Variants in EYA3 observed in about 807,000 individuals in gnomAD.
EYA3 encodes the protein EYA transcriptional coactivator and phosphatase 3.
EYA3 carries 39 observed loss-of-function variants against 80.0 expected under a neutral mutation model. The observed-to-expected ratio is 0.49, with a 90% confidence interval of 0.38 to 0.64. EYA3 has a LOEUF of 0.64. Among genes scored for constraint, EYA3 ranks in the 30% least tolerant of loss-of-function variants. EYA3 has a pLI of 0.00. For missense variants in EYA3, 523 were observed against 676.1 expected (o/e 0.77, Z 2.51); for synonymous variants, 206 against 232.8 (o/e 0.88, Z 1.05).
At chr1:28,024,960 C>G (rs1425013443) in intron 7 of EYA3, among the ~76,000 whole-genome samples, 1 of 152,136 alleles carries the variant, frequency 6.6e-6, no homozygotes, top group Non-Finnish European at 1.5e-5. Context: ...GATAATTTCC[C>G]TAACTCCCCC....
chr1:28,070,599 C>G (rs1393751276), intron 1 of EYA3, among the ~76,000 whole-genome samples: 1 of 150,480 alleles, frequency 6.6e-6, no homozygotes, highest in African/African-American at 2.4e-5. Flanking sequence ...GATAAGAGAA[C>G]ACAACTGTAC....
chr1:27,984,767 T>C (rs1313570538), intron 16 of EYA3, among the ~76,000 whole-genome samples: 1 of 152,166 alleles, frequency 6.6e-6, no homozygotes, highest in Non-Finnish European at 1.5e-5. Context: ...CTTATGAATC[T>C]TATAAATCCT....
chr1:28,048,281 A>G lies in EYA3; in HGVS notation c.77+102T>C, dbSNP rs1644102337. The G allele has an allele frequency of 9.0e-6, 6 of 670,360 alleles. 1 individual carries two copies. In the South Asian group the frequency reaches 1.8e-4, roughly 21 times the overall value. The allele number at this position is 670,360 out of a possible 1,614,324, so 41.5% of individuals were successfully genotyped here. A position where few individuals can be genotyped will look rare whatever the true frequency, so the allele number is the denominator to read the frequency against. On this transcript the variant is annotated intron_variant, in intron 3 of 17. Transcript: ENST00000373871. ...TCAAAATGTAACAGCTGATGGTAAGAACCAAAAAGAGGGCAAAGCATGCCC... is the reference window on the plus strand; with the variant it reads ...TCAAAATGTAACAGCTGATGGTAAGGACCAAAAAGAGGGCAAAGCATGCCC...
At chr1:28,024,811 A>G (rs906360648) in intron 7 of EYA3, among the ~76,000 whole-genome samples, 3 of 152,196 alleles carry the variant, frequency 2.0e-5, no homozygotes, top group Non-Finnish European at 2.9e-5. Flanking sequence ...ATGATACTAC[A>G]GAAGTCAGAT....
intron 1 of EYA3, among the ~76,000 whole-genome samples, chr1:28,060,625 A>G (rs759612727): frequency 1.1e-4 from 17 of 152,222 alleles, no homozygotes. Context: ...TTCTGTGAAA[A>G]TAAGCACCCT....
At chr1:28,034,418 A>C (rs757981647) in intron 6 of EYA3, among the ~76,000 whole-genome samples, 87 of 152,234 alleles carry the variant, frequency 5.7e-4, no homozygotes, top group Non-Finnish European at 9.7e-4. Flanking sequence ...CAAAAGGTCC[A>C]TTCAGTGTTG....
intron 10 of EYA3, among the ~76,000 whole-genome samples, chr1:28,010,239 A>G (rs1401228720): frequency 6.6e-6 from 1 of 152,176 alleles, no homozygotes; most frequent in Non-Finnish European, 1.5e-5. Flanking sequence ...CATGACCTTT[A>G]TGTCTTTAAT....
At chr1:27,991,594 G>T (rs1640067807) in intron 14 of EYA3, among the ~76,000 whole-genome samples, 1 of 152,122 alleles carries the variant, frequency 6.6e-6, no homozygotes, top group South Asian at 2.1e-4. Flanking sequence ...GTGAGGAGGA[G>T]AACTGGAGTA....
chr1:27,988,790 C>A, intron 15 of EYA3, 134 bp from the exon 16 acceptor site: 1 of 918,432 alleles, frequency 1.1e-6, no homozygotes, highest in South Asian at 1.8e-5. Context: ...CTGTTCAGAG[C>A]CAATGTTCAG....
rs1050574384 is a variant in EYA3, at chr1:28,004,284, C to T, written c.993+52G>A. ...AATTTGTTATGTGTCAGAAGAGGGA[C>T]TGACTATATAGTCAGAAGAGGGACA... is the stretch of plus-strand genomic sequence containing the variant. On this transcript the variant is annotated intron_variant, in intron 11 of 17. Transcript: ENST00000373871. 6 of 1,282,476 alleles carry T rather than the reference C, an allele frequency of 4.7e-6. No individual in the cohort carries two copies. The Admixed American group carries it at 9.2e-5, about 20-fold the overall frequency. The allele number at this position is 1,282,476 out of a possible 1,614,324, so 79.4% of individuals were successfully genotyped here.
chr1:28,004,368 G>A lies in EYA3; in HGVS notation c.961C>T (p.Leu321Phe). Residue 321 changes from leucine to phenylalanine, a missense_variant, in exon 11 of 18, where the codon CTT (leucine) becomes TTT (phenylalanine). Transcript: ENST00000373871. The part of the protein sequence containing the change: ...DETIIIFHSL[L>F]TGSYAQKYGK... The stretch of plus-strand genomic sequence containing the variant: ...TATTTCTGGGCATAGGATCCAGTAA[G>A]AAGTGAGTGGAAGATGATGATGGTT... 6.2e-7 allele frequency: 1 copy of A among 1,607,310 alleles called. No individual in the cohort carries two copies.
chr1:28,002,818 A>G (rs1165719352), intron 11 of EYA3, among the ~76,000 whole-genome samples: 1 of 150,924 alleles, frequency 6.6e-6, no homozygotes, highest in Non-Finnish European at 1.5e-5. Flanking sequence ...TCTCAGGAGA[A>G]AAAAAAAACA....
intron 16 of EYA3, among the ~76,000 whole-genome samples, chr1:27,978,780 A>G (rs1571695832): frequency 6.6e-6 from 1 of 152,220 alleles, no homozygotes; most frequent in South Asian, 2.1e-4. Context: ...CCTGACCAAC[A>G]TGGAGAAACC....
chr1:28,004,495 G>C (rs990053106), intron 10 of EYA3, 76 bp from the exon 11 acceptor site: 2 of 1,032,304 alleles, frequency 1.9e-6, no homozygotes, highest in Admixed American at 2.1e-5. Flanking sequence ...ATAACAGAAA[G>C]AGAACTGGGA....
Position 27,974,408 on chromosome 1 carries a change from C to A in EYA3, c.*58G>T. 1.4e-6 allele frequency: 2 copies of A among 1,384,266 alleles called. No homozygotes were observed. The highest frequency in any genetic ancestry group is 2.4e-5 in the South Asian group (2 of 83,920). The allele number at this position is 1,384,266 out of a possible 1,614,324, so 85.7% of individuals were successfully genotyped here. A position where few individuals can be genotyped will look rare whatever the true frequency, so the allele number is the denominator to read the frequency against. The stretch of plus-strand genomic sequence containing the variant: ...GAGAAAGTTCTCAGTTGGTTCCAGT[C>A]TCCAGCTCCCTTCAGGAGTGAAAAG... On this transcript the variant is annotated 3_prime_UTR_variant, in exon 18 of 18. Coordinates refer to ENST00000373871, the MANE Select transcript of EYA3 (RefSeq NM_001990.4).
rs774122627 is a variant in EYA3, at chr1:28,009,286, C to T, written c.909+1661G>A. On this transcript the variant is annotated intron_variant, in intron 10 of 17. Transcript: ENST00000373871. This position sits in a 1 kb window ranked among gnomAD's most constrained non-coding sequence, Gnocchi z 4.8. ...ATGGATAAACAAAATGTGGTATATA[C>T]ATATAATAAAATATTCAGACATAAA... Among the ~76,000 whole-genome samples the T allele has an allele frequency of 2.0e-5, 3 of 152,120 alleles. No homozygotes were observed.
At chr1:27,997,831 A>G (rs1640563264) in intron 12 of EYA3, among the ~76,000 whole-genome samples, 1 of 152,218 alleles carries the variant, frequency 6.6e-6, no homozygotes, top group Non-Finnish European at 1.5e-5. Context: ...AGACGCTGGT[A>G]GTGTGGTATC....
intron 1 of EYA3, among the ~76,000 whole-genome samples, chr1:28,073,127 A>ATATATATTTTT (rs1553157671): frequency 1.3e-4 from 2 of 14,996 alleles, no homozygotes; most frequent in Non-Finnish European, 2.2e-4. Flanking sequence ...ATATATATAT[A>ATATATATTTTT]TTTTTTTTTT....
intron 1 of EYA3, among the ~76,000 whole-genome samples, chr1:28,080,924 A>T (rs1473070300): frequency 6.9e-6 from 1 of 144,698 alleles, no homozygotes; most frequent in Non-Finnish European, 1.5e-5. Context: ...CTAATTTTGT[A>T]TTTTTTTTTT....
Sources: allele counts gnomAD v4.1 joint callset (sites outside exome capture counted in the v4.1 genomes callset), GRCh38; gene constraint gnomAD v4.1.1; non-coding constraint Gnocchi (gnomAD v3.1); transcripts MANE v1.5; gene names NCBI Gene and HGNC (gene_info 2026-07-23, HGNC 2026-07-21).